GABRB3: variants seen among roughly 807,000 people sequenced by gnomAD.
GABRB3 encodes the protein gamma-aminobutyric acid type A receptor subunit beta3, also known as gamma-aminobutyric acid receptor subunit beta-3.
In GABRB3, 14 loss-of-function variants were observed where a neutral mutation model predicts 52.1. The observed-to-expected ratio is 0.27, with a 90% CI of 0.18 to 0.42. GABRB3 has a LOEUF of 0.42. GABRB3 is among the 10% of genes least tolerant of loss of function. GABRB3 has a pLI of 1.00. For missense variants in GABRB3, 307 were observed against 609.1 expected (o/e 0.50, Z 5.22); for synonymous variants, 260 against 232.3 (o/e 1.12, Z -1.08).
chr15:26,650,816 T>C (rs767223099), intron 3 of GABRB3, among the ~76,000 whole-genome samples: 10 of 152,076 alleles, frequency 6.6e-5, no homozygotes, highest in African/African-American at 2.4e-4. Flanking sequence ...CCAGACTCAG[T>C]TGGTAGATGG....
chr15:26,712,313 C>G (rs1889325229), intron 3 of GABRB3, among the ~76,000 whole-genome samples: 1 of 151,972 alleles, frequency 6.6e-6, no homozygotes, highest in Non-Finnish European at 1.5e-5. Context: ...CATGCCTGCC[C>G]ATATCAGTGG....
intron 6 of GABRB3, among the ~76,000 whole-genome samples, chr15:26,575,957 T>C (rs949583885): frequency 6.6e-6 from 1 of 152,336 alleles, no homozygotes; most frequent in African/African-American, 2.4e-5. Flanking sequence ...AATCTCAATC[T>C]TTCCGTTCAA....
At chr15:26,615,136 A>G (rs1002019054) in intron 4 of GABRB3, 6 of 269,644 alleles carry the variant, frequency 2.2e-5, no homozygotes, top group Non-Finnish European at 3.4e-5. Flanking sequence ...GAAAGTTAGG[A>G]AAAGGGATGA....
At chr15:26,580,284 C>T (rs1246188256) in intron 6 of GABRB3, 35 bp downstream of exon 6, 2 of 1,613,658 alleles carry the variant, frequency 1.2e-6, no homozygotes, top group Non-Finnish European at 1.7e-6. Context: ...GGAGCCAGTG[C>T]CCCTGAAGGG....
At chr15:26,661,808 C>T (rs890435591) in intron 3 of GABRB3, among the ~76,000 whole-genome samples, 1 of 152,126 alleles carries the variant, frequency 6.6e-6, no homozygotes, top group African/African-American at 2.4e-5. Context: ...AACCTGGACC[C>T]GCATGGAACA....
rs1162139952 is a variant in GABRB3 at position 26,664,704 on chromosome 15, G to GTTTTTTT, written c.241-43177_241-43171dup. Among the ~76,000 whole-genome samples, 41 of 95,212 alleles carry GTTTTTTT rather than the reference G, an allele frequency of 4.3e-4. 1 individual carries two copies. Among genetic ancestry groups the GTTTTTTT allele is most frequent in the Middle Eastern group, 9.3e-3 (1 of 108 alleles). 62.5% of individuals were successfully genotyped at this position (95,212 alleles called of 152,430 possible). On this transcript the variant is annotated intron_variant, in intron 3 of 8. Transcript: ENST00000311550. ...CCTTATCATTTCTTTTCTTTTCTTTGTTTTTTTTTTTTTTTTTTTGGTGGA... is the reference window on the plus strand; with the variant it reads ...CCTTATCATTTCTTTTCTTTTCTTTGTTTTTTTTTTTTTTTTTTTTTTTTTTGGTGGA...
chr15:26,574,062 T>C (rs12915848), intron 6 of GABRB3, among the ~76,000 whole-genome samples: 3 of 152,088 alleles, frequency 2.0e-5, no homozygotes, highest in African/African-American at 7.2e-5. Flanking sequence ...AAGAAAAGAA[T>C]GCTTATAAAA....
intron 3 of GABRB3, among the ~76,000 whole-genome samples, chr15:26,627,291 G>A (rs2140551101): frequency 6.6e-6 from 1 of 151,076 alleles, no homozygotes; most frequent in South Asian, 2.1e-4. Flanking sequence ...TATGTACAAA[G>A]AGATGAATGT....
intron 3 of GABRB3, among the ~76,000 whole-genome samples, chr15:26,749,245 T>C (rs1208353440): frequency 6.6e-6 from 1 of 152,150 alleles, no homozygotes; most frequent in African/African-American, 2.4e-5. Context: ...GTACTATGTA[T>C]CATTTTATTT....
chr15:26,677,504 C>T (rs1195360612), intron 3 of GABRB3, among the ~76,000 whole-genome samples: 1 of 152,128 alleles, frequency 6.6e-6, no homozygotes, highest in Non-Finnish European at 1.5e-5. Context: ...CGGGAGACAC[C>T]ACATATGCAC....
intron 8 of GABRB3, among the ~76,000 whole-genome samples, chr15:26,552,170 G>A (rs1459208208): frequency 1.3e-5 from 2 of 152,092 alleles, no homozygotes; most frequent in African/African-American, 4.8e-5. Context: ...ACCACACCCA[G>A]CTAATTTTGT....
chr15:26,548,658 A>G (rs1355389511), intron 8 of GABRB3, among the ~76,000 whole-genome samples: 1 of 152,078 alleles, frequency 6.6e-6, no homozygotes, highest in Non-Finnish European at 1.5e-5. Context: ...CCCCAACCCC[A>G]ACTCAGGTAG....
intron 3 of GABRB3, among the ~76,000 whole-genome samples, chr15:26,641,676 C>T (rs1288303879): frequency 6.6e-6 from 1 of 152,218 alleles, no homozygotes; most frequent in East Asian, 1.9e-4. Flanking sequence ...GCCGACACTA[C>T]TCTACCAGTT....
At chr15:26,584,587 C>G (rs561641060) in intron 4 of GABRB3, among the ~76,000 whole-genome samples, 1 of 152,250 alleles carries the variant, frequency 6.6e-6, no homozygotes, top group South Asian at 2.1e-4. Context: ...CCAGCTAAAG[C>G]TATGGAAATA....
At chr15:26,764,437 C>T (rs935314848) in intron 3 of GABRB3, among the ~76,000 whole-genome samples, 10 of 151,788 alleles carry the variant, frequency 6.6e-5, no homozygotes, top group African/African-American at 2.2e-4. Flanking sequence ...ACCGCACATG[C>T]CAAAGTTTTT....
At chr15:26,690,470 G>A (rs187030819) in intron 3 of GABRB3, among the ~76,000 whole-genome samples, 35 of 152,150 alleles carry the variant, frequency 2.3e-4, no homozygotes, top group African/African-American at 6.0e-4. Context: ...AGAAAGAAAC[G>A]GTTTCTTGAC....
chr15:26,570,316 T>C (rs1472822867), intron 6 of GABRB3, among the ~76,000 whole-genome samples: 2 of 152,228 alleles, frequency 1.3e-5, no homozygotes, highest in African/African-American at 4.8e-5. Context: ...TTCATATACA[T>C]TTCACACAGT....
In GABRB3 at chr15:26,554,190, ACT is replaced by A. The variant is rs1491293304; in HGVS notation, c.1081-6058_1081-6057del. On this transcript the variant is annotated intron_variant, in intron 8 of 8. Coordinates refer to ENST00000311550, the MANE Select transcript of GABRB3 (RefSeq NM_000814.6). ...ATATATATAAAGTATATATATATAT[ACT>A]ATATATATATATATATAGTAGAAAC... Among the ~76,000 whole-genome samples, 100 of 31,518 alleles carry A rather than the reference ACT, an allele frequency of 3.2e-3. 3 individuals are homozygous for A. In the East Asian group the frequency reaches 0.21, roughly 67 times the overall value. The allele number at this position is 31,518 out of a possible 152,430, so 20.7% of individuals were successfully genotyped here. A position where few individuals can be genotyped will look rare whatever the true frequency, so the allele number is the denominator to read the frequency against.
At chr15:26,618,689 C>T (rs1339705993) in intron 4 of GABRB3, among the ~76,000 whole-genome samples, 1 of 152,036 alleles carries the variant, frequency 6.6e-6, no homozygotes, top group East Asian at 1.9e-4. Context: ...AACTAAAGAG[C>T]TTCTGCATAG....
Sources: gnomAD v4.1 joint callset for allele counts (sites outside exome capture counted in the v4.1 genomes callset) on GRCh38, gnomAD v4.1.1 for gene constraint, MANE v1.5 for transcripts, NCBI Gene and HGNC (gene_info 2026-07-23, HGNC 2026-07-21) for gene names.